The following PXDN variants were observed in gnomAD, a reference collection of about 807,000 sequenced individuals.
PXDN encodes peroxidasin.
In PXDN, 77 loss-of-function variants were observed where a neutral mutation model predicts 140.3. The ratio of observed to expected loss-of-function variants is 0.55; its 90% confidence interval spans 0.46 to 0.66. The LOEUF (loss-of-function observed/expected upper bound fraction) is 0.66. Among genes scored for constraint, PXDN ranks in the 30% least tolerant of loss-of-function variants. The pLI is 0.00. For synonymous variants in PXDN, 911 were observed against 857.4 expected (o/e 1.06, Z -1.09); for missense variants, 1,838 against 2,039.5 (o/e 0.90, Z 1.90).
intron 1 of PXDN, among the ~76,000 whole-genome samples, chr2:1,711,685 C>G (rs939676922): frequency 6.6e-6 from 1 of 152,098 alleles, no homozygotes; most frequent in African/African-American, 2.4e-5. Context: ...ACCTGCCGAA[C>G]CACTAGGCTG....
At chr2:1,693,918 G>A (rs568506323) in intron 1 of PXDN, among the ~76,000 whole-genome samples, 2 of 152,336 alleles carry the variant, frequency 1.3e-5, no homozygotes, top group African/African-American at 4.8e-5. Context: ...CGGGCCTGGG[G>A]GCAGCACAGG....
intron 17 of PXDN, among the ~76,000 whole-genome samples, chr2:1,645,453 T>C (rs1018649429): frequency 2.0e-5 from 3 of 152,190 alleles, no homozygotes; most frequent in Non-Finnish European, 2.9e-5. Flanking sequence ...ATTTTTAACA[T>C]ATATATATTC....
chr2:1,641,008 GCT>G (rs1682714904), intron 19 of PXDN, among the ~76,000 whole-genome samples: 1 of 152,206 alleles, frequency 6.6e-6, no homozygotes, highest in African/African-American at 2.4e-5. Context: ...GCCTGCACCT[GCT>G]CTGTGCTGCC....
intron 5 of PXDN, 48 bp downstream of exon 5, chr2:1,684,032 A>G: frequency 6.7e-7 from 1 of 1,488,476 alleles, no homozygotes; most frequent in Non-Finnish European, 9.2e-7. Context: ...CCAGTGACTG[A>G]GGCTTGGGCT....
Position 1,744,240 on chromosome 2 carries a change from C to G in PXDN, c.200+16G>C. On this transcript the variant is annotated intron_variant, in intron 1 of 22. Coordinates refer to ENST00000252804, the MANE Select transcript of PXDN (RefSeq NM_012293.3). ...GCCCCGGACCCCGCGCCCCCGGCGT[C>G]CCCCGCGGCACTCACAGGATGGAGG... The G allele has an allele frequency of 6.8e-7, 1 of 1,475,800 alleles. No homozygotes were observed. The highest frequency in any genetic ancestry group is 1.5e-5 in the African/African-American group (1 of 68,500). The allele number at this position is 1,475,800 out of a possible 1,614,324, so 91.4% of individuals were successfully genotyped here. A position where few individuals can be genotyped will look rare whatever the true frequency, so the allele number is the denominator to read the frequency against.
At chr2:1,641,529 C>T (rs943000656) in intron 19 of PXDN, among the ~76,000 whole-genome samples, 1 of 152,148 alleles carries the variant, frequency 6.6e-6, no homozygotes, top group African/African-American at 2.4e-5. Flanking sequence ...GTTCTGTTTT[C>T]GTATTTTTCT....
At chr2:1,669,962 T>G (rs1485717895) in intron 9 of PXDN, 1 of 152,244 alleles carries the variant, frequency 6.6e-6, no homozygotes, top group Admixed American at 6.5e-5. Flanking sequence ...TTTCATAACT[T>G]ATTTGTTTGC....
intron 1 of PXDN, among the ~76,000 whole-genome samples, chr2:1,722,810 G>A (rs1035898401): frequency 6.6e-6 from 1 of 152,240 alleles, no homozygotes; most frequent in Non-Finnish European, 1.5e-5. Flanking sequence ...CAGTGTTGCA[G>A]GGCACGGTGT....
chr2:1,724,130 C>A (rs543601574), intron 1 of PXDN, among the ~76,000 whole-genome samples: 20 of 152,282 alleles, frequency 1.3e-4, no homozygotes, highest in Non-Finnish European at 2.4e-4. Context: ...GTCTCCAAAG[C>A]CATGTTTCTT....
At chr2:1,726,948 G>A (rs946320403) in intron 1 of PXDN, among the ~76,000 whole-genome samples, 3 of 152,168 alleles carry the variant, frequency 2.0e-5, no homozygotes, top group Admixed American at 2.0e-4. Context: ...AGGGCTTTGG[G>A]AAGGGAAGGG....
chr2:1,708,283 A>C (rs1684668652), intron 1 of PXDN, among the ~76,000 whole-genome samples: 1 of 152,232 alleles, frequency 6.6e-6, no homozygotes, highest in South Asian at 2.1e-4. Flanking sequence ...ACAACCCAGC[A>C]GGACGCTTTA....
intron 1 of PXDN, among the ~76,000 whole-genome samples, chr2:1,720,655 C>CTCTCTGCATCTCTTTCTCTT (rs1280474071): frequency 1.3e-5 from 2 of 151,780 alleles, no homozygotes; most frequent in African/African-American, 4.8e-5. Flanking sequence ...CTCTTTCTCT[C>CTCTCTGCATCTCTTTCTCTT]TCTCTGCATC....
intron 17 of PXDN, 55 bp from the exon 18 acceptor site, chr2:1,644,807 A>T: frequency 7.5e-7 from 1 of 1,336,746 alleles, no homozygotes; most frequent in Non-Finnish European, 9.7e-7. Context: ...CGTGGTAAAA[A>T]ATACAGCAAA....
At chr2:1,643,824 G>C (rs1028891777) in intron 18 of PXDN, among the ~76,000 whole-genome samples, 3 of 152,126 alleles carry the variant, frequency 2.0e-5, no homozygotes, top group South Asian at 2.1e-4. Flanking sequence ...TGTAATCCCA[G>C]CACTTTGGGA....
At chr2:1,726,306 T>C (rs2125485580) in intron 1 of PXDN, among the ~76,000 whole-genome samples, 1 of 151,724 alleles carries the variant, frequency 6.6e-6, no homozygotes, top group Admixed American at 6.6e-5. Flanking sequence ...GAAATCATCA[T>C]TCTCAGTAAA....
chr2:1,643,066 G>A (rs1380716787), intron 19 of PXDN, among the ~76,000 whole-genome samples: 1 of 152,108 alleles, frequency 6.6e-6, no homozygotes, highest in Non-Finnish European at 1.5e-5. Flanking sequence ...ACATACATTA[G>A]GCTTTAAGGA....
At chr2:1,710,013 T>C (rs1684714459) in intron 1 of PXDN, among the ~76,000 whole-genome samples, 1 of 152,082 alleles carries the variant, frequency 6.6e-6, no homozygotes, top group Non-Finnish European at 1.5e-5. Flanking sequence ...ACACACTGTC[T>C]CCAAGCCCTT....
chr2:1,693,914 T>C (rs920159538), intron 1 of PXDN, among the ~76,000 whole-genome samples: 5 of 152,194 alleles, frequency 3.3e-5, no homozygotes, highest in African/African-American at 9.6e-5. Flanking sequence ...GCCACGGGCC[T>C]GGGGGCAGCA....
intron 19 of PXDN, among the ~76,000 whole-genome samples, chr2:1,642,573 C>G (rs1369297918): frequency 6.6e-6 from 1 of 152,244 alleles, no homozygotes; most frequent in African/African-American, 2.4e-5. Flanking sequence ...TCTCTCACCA[C>G]AAGAGTGAGT....
Sources: allele counts gnomAD v4.1 joint callset (sites outside exome capture counted in the v4.1 genomes callset), GRCh38; gene constraint gnomAD v4.1.1; transcripts MANE v1.5; gene names NCBI Gene and HGNC (gene_info 2026-07-23, HGNC 2026-07-21).